The following RABGAP1L variants were observed in gnomAD, a reference collection of about 807,000 sequenced individuals.
RABGAP1L encodes rab GTPase-activating protein 1-like.
In RABGAP1L, 63 loss-of-function variants were observed where a neutral mutation model predicts 137.7. The ratio of observed to expected loss-of-function variants is 0.46; its 90% confidence interval spans 0.37 to 0.56. RABGAP1L has a LOEUF of 0.56. RABGAP1L is among the 20% of genes least tolerant of loss of function. The pLI is 0.00. For missense variants in RABGAP1L, 1,095 were observed against 1,244.0 expected (o/e 0.88, Z 1.80); for synonymous variants, 431 against 433.7 (o/e 0.99, Z 0.08).
intron 19 of RABGAP1L, among the ~76,000 whole-genome samples, chr1:174,909,170 CTCTA>C (rs1347879206): frequency 7.2e-6 from 1 of 137,986 alleles, no homozygotes; most frequent in African/African-American, 2.6e-5. Flanking sequence ...CAGAGTGAGA[CTCTA>C]TCTCAAAAAA....
At chr1:174,368,848 A>G (rs1223217819) in intron 11 of RABGAP1L, among the ~76,000 whole-genome samples, 2 of 152,220 alleles carry the variant, frequency 1.3e-5, no homozygotes, top group Non-Finnish European at 2.9e-5. Flanking sequence ...CTACAAGAGT[A>G]TTATGAATTT....
At chr1:174,519,197 T>C (rs780811087) in intron 13 of RABGAP1L, among the ~76,000 whole-genome samples, 16 of 149,002 alleles carry the variant, frequency 1.1e-4, no homozygotes, top group Non-Finnish European at 1.8e-4. Flanking sequence ...TATATATATA[T>C]ACACACACAT....
intron 11 of RABGAP1L, 46 bp downstream of exon 11, chr1:174,305,173 T>A: frequency 3.4e-6 from 5 of 1,460,362 alleles, no homozygotes; most frequent in East Asian, 5.4e-5. Flanking sequence ...TATAGCTGCT[T>A]TACTTACAAT....
chr1:174,421,433 A>T (rs1184431720), intron 13 of RABGAP1L, among the ~76,000 whole-genome samples: 1 of 152,226 alleles, frequency 6.6e-6, no homozygotes. Context: ...TCAGTGACAT[A>T]TTCAGGATAT....
chr1:174,613,893 T>C (rs1226491028), intron 13 of RABGAP1L, among the ~76,000 whole-genome samples: 1 of 152,142 alleles, frequency 6.6e-6, no homozygotes, highest in Non-Finnish European at 1.5e-5. Context: ...TGCCTTTTTT[T>C]GTTTTCCATT....
At chr1:174,330,770 C>G (rs1015427113) in intron 11 of RABGAP1L, among the ~76,000 whole-genome samples, 2 of 152,082 alleles carry the variant, frequency 1.3e-5, no homozygotes, top group African/African-American at 4.8e-5. Flanking sequence ...CTACCCAAAG[C>G]AATCTACAGA....
At chr1:174,946,826 A>G (rs960645430) in intron 19 of RABGAP1L, among the ~76,000 whole-genome samples, 1 of 146,006 alleles carries the variant, frequency 6.8e-6, no homozygotes, top group Admixed American at 7.0e-5. Context: ...GCTTGAACTC[A>G]GTGGGCAGAG....
At chr1:174,756,921 C>T (rs1380288376) in intron 18 of RABGAP1L, 2 of 745,780 alleles carry the variant, frequency 2.7e-6, no homozygotes, top group Admixed American at 1.9e-5. Flanking sequence ...TTGGCACCAC[C>T]AGTGTCCCTC....
intron 13 of RABGAP1L, among the ~76,000 whole-genome samples, chr1:174,520,136 C>T (rs948311021): frequency 5.3e-5 from 8 of 152,006 alleles, no homozygotes; most frequent in South Asian, 2.1e-4. Context: ...TGAGCCCTGC[C>T]GAAATGGTTC....
At chr1:174,755,507 T>C (rs574332361) in intron 18 of RABGAP1L, among the ~76,000 whole-genome samples, 1 of 152,242 alleles carries the variant, frequency 6.6e-6, no homozygotes, top group South Asian at 2.1e-4. Flanking sequence ...AATGACAGAG[T>C]GTTTTTCTCT....
chr1:174,826,926 C>T (rs947060294), intron 19 of RABGAP1L, among the ~76,000 whole-genome samples: 1 of 152,132 alleles, frequency 6.6e-6, no homozygotes, highest in African/African-American at 2.4e-5. Context: ...TGTGTTTAGG[C>T]TGGTTGGATG....
At chr1:174,494,771 G>A (rs1367680018) in intron 13 of RABGAP1L, among the ~76,000 whole-genome samples, 1 of 152,072 alleles carries the variant, frequency 6.6e-6, no homozygotes, top group Non-Finnish European at 1.5e-5. Context: ...TGGAACCTAG[G>A]TTACTAGGGG....
chr1:174,786,859 A>T (rs113864391), intron 18 of RABGAP1L, among the ~76,000 whole-genome samples: 6 of 152,286 alleles, frequency 3.9e-5, no homozygotes, highest in African/African-American at 1.4e-4. Context: ...TCTTCACGTG[A>T]GCATCATTTA....
At chr1:174,837,125 T>G (rs1362949073) in intron 19 of RABGAP1L, among the ~76,000 whole-genome samples, 2 of 151,828 alleles carry the variant, frequency 1.3e-5, no homozygotes, top group African/African-American at 4.8e-5. Context: ...GAGAATCACT[T>G]GAACCCGGGA....
Position 174,452,663 on chromosome 1 carries a change from G to T in RABGAP1L, c.1710+58518G>T, listed in dbSNP as rs565742188. Among the ~76,000 whole-genome samples the T allele has an allele frequency of 1.2e-3, 186 of 152,280 alleles. 1 individual carries two copies. Among genetic ancestry groups the T allele is most frequent in the Non-Finnish European group, 2.1e-3 (145 of 68,020 alleles). The stretch of plus-strand genomic sequence containing the variant: ...TGCAAGCTCCACATCCTGGGTTCAT[G>T]TCATTCTCCTGCCTCAGCCTCCCAA... On this transcript the variant is annotated intron_variant, in intron 13 of 25. Coordinates refer to ENST00000681986, the MANE Select transcript of RABGAP1L (RefSeq NM_001366446.1).
intron 12 of RABGAP1L, among the ~76,000 whole-genome samples, chr1:174,377,188 C>G (rs1453949168): frequency 6.6e-6 from 1 of 151,726 alleles, no homozygotes; most frequent in African/African-American, 2.4e-5. Flanking sequence ...AAACAGTAAT[C>G]AAAGACATCA....
Position 174,877,237 on chromosome 1 carries a change from G to A in RABGAP1L, c.2340+65277G>A, listed in dbSNP as rs552088599. Among the ~76,000 whole-genome samples the A allele has an allele frequency of 5.9e-5, 9 of 152,282 alleles. No homozygotes were observed. In the South Asian group the frequency reaches 1.7e-3, roughly 28 times the overall value. ...CAGCTTCTCTGTTATAAATGCAGAA[G>A]GTGTTTATAGTGTATACTTCCTGCA... On this transcript the variant is annotated intron_variant, in intron 19 of 25. Transcript: ENST00000681986.
intron 14 of RABGAP1L, among the ~76,000 whole-genome samples, chr1:174,651,406 C>T (rs1030390624): frequency 2.0e-5 from 3 of 152,012 alleles, no homozygotes; most frequent in South Asian, 2.1e-4. Context: ...CTTTCTGTCT[C>T]GTTGATCTGT....
intron 13 of RABGAP1L, among the ~76,000 whole-genome samples, chr1:174,412,390 A>G (rs1263840865): frequency 6.6e-6 from 1 of 152,130 alleles, no homozygotes; most frequent in Non-Finnish European, 1.5e-5. Context: ...TGAAGACAGC[A>G]GATGTATGAA....
Sources: gnomAD v4.1 joint callset for allele counts (sites outside exome capture counted in the v4.1 genomes callset) on GRCh38, gnomAD v4.1.1 for gene constraint, MANE v1.5 for transcripts, NCBI Gene and HGNC (gene_info 2026-07-23, HGNC 2026-07-21) for gene names.